CNTN4: variants seen among roughly 807,000 people sequenced by gnomAD.
CNTN4 encodes the protein contactin-4.
Under a neutral mutation model 122.5 loss-of-function variants are expected in CNTN4, and 77 were observed. That is an observed-to-expected ratio of 0.63 (90% confidence interval 0.52 to 0.76). CNTN4 has a LOEUF of 0.76. Among genes scored for constraint, CNTN4 ranks in the 30% least tolerant of loss-of-function variants. The pLI is 0.00. For synonymous variants in CNTN4, 512 were observed against 447.0 expected, an observed-to-expected ratio of 1.15 and a Z score of -1.83; for missense variants, 1,256 against 1,259.1, an observed-to-expected ratio of 1.00 and a Z score of 0.04.
intron 3 of CNTN4, among the ~76,000 whole-genome samples, chr3:2,448,557 G>A (rs1052315829): frequency 1.3e-5 from 2 of 152,134 alleles, no homozygotes; most frequent in African/African-American, 2.4e-5. Flanking sequence ...AAGGTTGGTC[G>A]AGGGCATGAA....
chr3:2,230,262 A>G (rs1211559242), intron 2 of CNTN4, among the ~76,000 whole-genome samples: 1 of 152,196 alleles, frequency 6.6e-6, no homozygotes, highest in Non-Finnish European at 1.5e-5. Flanking sequence ...ATAAAACTAA[A>G]TATTAATACC....
chr3:2,528,835 A>G (rs999409305), intron 3 of CNTN4, among the ~76,000 whole-genome samples: 1 of 152,060 alleles, frequency 6.6e-6, no homozygotes, highest in Non-Finnish European at 1.5e-5. Flanking sequence ...TCACTGAGAC[A>G]TAATTATATA....
At chr3:3,050,759 G>A (rs953932213) in intron 23 of CNTN4, among the ~76,000 whole-genome samples, 3 of 25,710 alleles carry the variant, frequency 1.2e-4, no homozygotes, top group East Asian at 3.2e-3. Context: ...GTGAAACTCC[G>A]TCTCAAAAAA....
chr3:2,323,851 G>A (rs139108392), intron 2 of CNTN4, among the ~76,000 whole-genome samples: 96 of 152,214 alleles, frequency 6.3e-4, no homozygotes, highest in African/African-American at 2.1e-3. Context: ...TTTAGTACTG[G>A]GCTCTATAAT....
intron 13 of CNTN4, among the ~76,000 whole-genome samples, chr3:2,959,576 A>G (rs922686863): frequency 6.6e-6 from 1 of 152,052 alleles, no homozygotes; most frequent in South Asian, 2.1e-4. Flanking sequence ...AATATAAATT[A>G]TTTCCTTACC....
At chr3:2,151,649 G>A (rs113735654) in intron 2 of CNTN4, among the ~76,000 whole-genome samples, 1 of 152,188 alleles carries the variant, frequency 6.6e-6, no homozygotes, top group Non-Finnish European at 1.5e-5. Context: ...GACCCTGAGG[G>A]ATCTGCCCTC....
At chr3:2,120,351 T>TTATATATATATATATATATTTAAATA (rs2033640067) in intron 2 of CNTN4, among the ~76,000 whole-genome samples, 2 of 45,980 alleles carry the variant, frequency 4.3e-5, no homozygotes, top group Non-Finnish European at 9.7e-5. Context: ...GGCATTTAGG[T>TTATATATATATATATATATTTAAATA]TATATATATA....
intron 3 of CNTN4, among the ~76,000 whole-genome samples, chr3:2,472,900 G>C (rs1175980110): frequency 6.6e-6 from 1 of 152,122 alleles, no homozygotes; most frequent in African/African-American, 2.4e-5. Flanking sequence ...TGAGGGGTAG[G>C]AGTGTGGTGA....
intron 2 of CNTN4, among the ~76,000 whole-genome samples, chr3:2,306,533 G>T (rs2042711836): frequency 1.3e-5 from 2 of 152,064 alleles, no homozygotes; most frequent in Admixed American, 1.3e-4. Flanking sequence ...ATATATTCTG[G>T]ATATATTTTG....
intron 3 of CNTN4, among the ~76,000 whole-genome samples, chr3:2,444,208 T>TTA (rs1176227980): frequency 7.3e-6 from 1 of 136,346 alleles, no homozygotes; most frequent in East Asian, 2.1e-4. Flanking sequence ...TGTATTCTAG[T>TTA]AAAAAAAAAA....
chr3:2,350,885 G>A (rs2044584715), intron 3 of CNTN4, among the ~76,000 whole-genome samples: 1 of 152,170 alleles, frequency 6.6e-6, no homozygotes, highest in African/African-American at 2.4e-5. Flanking sequence ...AAACTTTCAT[G>A]TTTGAAGCCA....
chr3:3,035,020 T>C (rs1394056196), intron 17 of CNTN4, among the ~76,000 whole-genome samples: 1 of 152,154 alleles, frequency 6.6e-6, no homozygotes, highest in Non-Finnish European at 1.5e-5. Flanking sequence ...GAAATGGTAA[T>C]GTCCAGGCCA....
chr3:2,373,799 A>C (rs1166812376), intron 3 of CNTN4, among the ~76,000 whole-genome samples: 1 of 152,222 alleles, frequency 6.6e-6, no homozygotes, highest in Non-Finnish European at 1.5e-5. Flanking sequence ...TTTCAGTTCT[A>C]GAAAGGCTCT....
At chr3:2,323,342 A>C (rs11713899) in intron 2 of CNTN4, among the ~76,000 whole-genome samples, 18,732 of 152,138 alleles carry the variant, frequency 0.12, 1,414 homozygotes, top group Non-Finnish European at 0.17. Flanking sequence ...ATTGTAGAAA[A>C]TGGGAGAACG....
At chr3:2,633,831 C>T (rs1373888248) in intron 4 of CNTN4, among the ~76,000 whole-genome samples, 2 of 152,164 alleles carry the variant, frequency 1.3e-5, no homozygotes, top group Non-Finnish European at 2.9e-5. Context: ...AAAGCATTTG[C>T]TCGTCACTTG....
chr3:3,017,540 A>G (rs1045328887), intron 14 of CNTN4, among the ~76,000 whole-genome samples: 5 of 152,246 alleles, frequency 3.3e-5, no homozygotes, highest in Non-Finnish European at 7.3e-5. Context: ...AACCTGGGGC[A>G]GACAAAAAAA....
intron 4 of CNTN4, among the ~76,000 whole-genome samples, chr3:2,651,512 A>G (rs2083357425): frequency 6.6e-6 from 1 of 152,070 alleles, no homozygotes; most frequent in South Asian, 2.1e-4. Flanking sequence ...TCTGGGTGTT[A>G]CACTGAAAAA....
chr3:2,851,532 CTG>C lies in CNTN4; in HGVS notation c.455-15218_455-15217del, dbSNP rs367748133. On this transcript the variant is annotated intron_variant, in intron 7 of 24. Coordinates refer to ENST00000418658, the MANE Select transcript of CNTN4 (RefSeq NM_175607.3). ...TAGCCAATGCCAGTTAGGAAGGACT[CTG>C]TAGTGGAGTCTATTTGCAATCCCTG... 1.4e-3 allele frequency among the ~76,000 whole-genome samples: 217 copies of C among 152,368 alleles called. 1 individual carries two copies. The highest frequency in any genetic ancestry group is 6.8e-3 in the Middle Eastern group (2 of 294).
At chr3:2,712,996 A>G (rs1021093562) in intron 4 of CNTN4, among the ~76,000 whole-genome samples, 13 of 152,178 alleles carry the variant, frequency 8.5e-5, no homozygotes, top group Non-Finnish European at 1.6e-4. Context: ...GATATCCTTT[A>G]TGATAACCAG....
Sources: gnomAD v4.1 joint callset for allele counts (sites outside exome capture counted in the v4.1 genomes callset) on GRCh38, gnomAD v4.1.1 for gene constraint, MANE v1.5 for transcripts, NCBI Gene and HGNC (gene_info 2026-07-23, HGNC 2026-07-21) for gene names.